Variants in BPIFC observed in about 807,000 individuals in gnomAD.
BPIFC encodes the protein BPI fold containing family C.
In BPIFC, 60 loss-of-function variants were observed where a neutral mutation model predicts 57.6. The ratio of observed to expected loss-of-function variants is 1.04; its 90% CI spans 0.85 to 1.29. The LOEUF (loss-of-function observed/expected upper bound fraction) is 1.29. BPIFC is among the 50% of genes most tolerant of loss of function. The pLI is 0.00. For missense variants in BPIFC, 581 were observed against 600.5 expected (o/e 0.97, Z 0.34); for synonymous variants, 243 against 224.5 (o/e 1.08, Z -0.74).
At chr22:32,456,456 C>A (rs1206216462) in intron 3 of BPIFC, among the ~76,000 whole-genome samples, 1 of 149,262 alleles carries the variant, frequency 6.7e-6, no homozygotes, top group Non-Finnish European at 1.5e-5. Flanking sequence ...CCCTCCCTCC[C>A]TCCCTTCCCT....
At chr22:32,459,612 G>A (rs952036022) in intron 2 of BPIFC, among the ~76,000 whole-genome samples, 14 of 151,888 alleles carry the variant, frequency 9.2e-5, no homozygotes, top group East Asian at 3.9e-4. Flanking sequence ...GCAGTGAGCC[G>A]AGATCATGCC....
At chr22:32,435,371 A>G (rs1303392833) in intron 10 of BPIFC, among the ~76,000 whole-genome samples, 1 of 152,208 alleles carries the variant, frequency 6.6e-6, no homozygotes, top group Admixed American at 6.5e-5. Context: ...AAATGCTGAC[A>G]TGATACACAA....
chr22:32,454,910 AT>A, intron 3 of BPIFC, among the ~76,000 whole-genome samples: 1 of 152,266 alleles, frequency 6.6e-6, no homozygotes, highest in East Asian at 1.9e-4. Context: ...CTGTTCACAC[AT>A]GTGAAAATGA....
chr22:32,446,041 G>A, intron 5 of BPIFC, 45 bp from the exon 6 acceptor site: 1 of 1,600,350 alleles, frequency 6.2e-7, no homozygotes, highest in South Asian at 1.1e-5. Context: ...GTCAGGCACA[G>A]AGATGGATCT....
intron 8 of BPIFC, 88 bp from the exon 9 acceptor site, chr22:32,437,939 T>G: frequency 1.4e-6 from 1 of 702,972 alleles, no homozygotes; most frequent in Non-Finnish European, 2.3e-6. Context: ...AACAATATAA[T>G]TTTAAATTCT....
At chr22:32,456,141 G>A (rs1365135541) in intron 3 of BPIFC, among the ~76,000 whole-genome samples, 3 of 152,218 alleles carry the variant, frequency 2.0e-5, no homozygotes, top group Non-Finnish European at 4.4e-5. Flanking sequence ...GAAAAGAACT[G>A]CACAACTTTA....
intron 1 of BPIFC, among the ~76,000 whole-genome samples, chr22:32,463,670 C>A (rs1213109676): frequency 3.9e-5 from 6 of 152,152 alleles, no homozygotes; most frequent in Non-Finnish European, 8.8e-5. Flanking sequence ...TTAAAGAAGT[C>A]TAAACTAGAA....
intron 13 of BPIFC, among the ~76,000 whole-genome samples, chr22:32,423,577 G>GGTGGGTGT (rs1556036075): frequency 7.0e-6 from 1 of 143,198 alleles, no homozygotes; most frequent in African/African-American, 2.7e-5. Flanking sequence ...GTAGGGTGTG[G>GGTGGGTGT]GTGTGTGTGT....
intron 16 of BPIFC, among the ~76,000 whole-genome samples, chr22:32,415,413 T>G (rs977895888): frequency 2.0e-5 from 3 of 152,184 alleles, no homozygotes; most frequent in Non-Finnish European, 4.4e-5. Flanking sequence ...GAAAAAAAGG[T>G]ATTCTGAAGT....
intron 4 of BPIFC, among the ~76,000 whole-genome samples, chr22:32,448,466 C>CA (rs1934795875): frequency 6.6e-6 from 1 of 152,170 alleles, no homozygotes; most frequent in African/African-American, 2.4e-5. Context: ...GTCATTGGGA[C>CA]AATCAGAAAC....
intron 13 of BPIFC, among the ~76,000 whole-genome samples, chr22:32,427,555 C>G (rs1420119585): frequency 6.6e-6 from 1 of 152,134 alleles, no homozygotes; most frequent in Non-Finnish European, 1.5e-5. Context: ...CTTTGTTTCC[C>G]AACAGACTGA....
At chr22:32,422,821 G>A (rs373015635) in intron 13 of BPIFC, among the ~76,000 whole-genome samples, 52 of 152,166 alleles carry the variant, frequency 3.4e-4, no homozygotes, top group African/African-American at 1.2e-3. Flanking sequence ...TATCATGGGG[G>A]GAAAACAAGT....
intron 4 of BPIFC, among the ~76,000 whole-genome samples, chr22:32,448,760 A>T (rs933102744): frequency 6.6e-6 from 1 of 152,046 alleles, no homozygotes; most frequent in Non-Finnish European, 1.5e-5. Flanking sequence ...CAACATAGTG[A>T]AACCCCGTGT....
chr22:32,423,575 T>TGG (rs906302146), intron 13 of BPIFC, among the ~76,000 whole-genome samples: 199 of 132,778 alleles, frequency 1.5e-3, no homozygotes, highest in African/African-American at 3.9e-3. Context: ...TTGTAGGGTG[T>TGG]GGGTGTGTGT....
rs375648599 is a variant in BPIFC, at chr22:32,435,710, G to A, written c.918C>T (p.Thr306=). 1.5e-5 allele frequency: 25 copies of A among 1,613,402 alleles called. No homozygotes were observed. Among genetic ancestry groups the A allele is most frequent in the East Asian group, 2.2e-5 (1 of 44,878 alleles). The change falls in exon 10 of 17, where the codon ACC becomes ACT. Residue 306 remains threonine, a synonymous_variant. Transcript: ENST00000300399. ...TAGVFNVTLS[T]EEISNHFVQN... ...CTCAGTTAACTCTCCTCACCTCTTC[G>A]GTGGAGAGAGTGACATTGAAAACCC...
chr22:32,462,191 G>GA (rs1935179848), intron 1 of BPIFC, among the ~76,000 whole-genome samples: 1 of 94,990 alleles, frequency 1.1e-5, no homozygotes. Flanking sequence ...AAAAAAAAAA[G>GA]AAAAAAGAAA....
intron 5 of BPIFC, 29 bp from the exon 6 acceptor site, chr22:32,446,025 G>A (rs373233459): frequency 6.2e-7 from 1 of 1,610,252 alleles, no homozygotes; most frequent in East Asian, 2.2e-5. Context: ...GGTTATCCAA[G>A]CCTGAGTCAG....
At chr22:32,422,234 C>T (rs550013595) in intron 13 of BPIFC, among the ~76,000 whole-genome samples, 1 of 152,294 alleles carries the variant, frequency 6.6e-6, no homozygotes, top group East Asian at 1.9e-4. Context: ...ACAGGTTACC[C>T]AGGTGCTCAT....
rs113722113 is a variant in BPIFC, at chr22:32,446,751, T to C, written c.374+461A>G. ...AGTACCTTGAATCTGATTTCCTCCTTCTACACGAGGGTGCAAAGGCCTTCC... is the reference window on the plus strand; with the variant it reads ...AGTACCTTGAATCTGATTTCCTCCTCCTACACGAGGGTGCAAAGGCCTTCC... On this transcript the variant is annotated intron_variant, in intron 5 of 16. Transcript: ENST00000300399. 9,561 of 985,356 alleles carry C rather than the reference T, an allele frequency of 9.7e-3. 68 individuals are homozygous for C. Among genetic ancestry groups the C allele is most frequent in the Non-Finnish European group, 0.011 (9,079 of 829,882 alleles). 61.0% of individuals were successfully genotyped at this position (985,356 alleles called of 1,614,324 possible).
Sources: gnomAD v4.1 joint callset for allele counts (sites outside exome capture counted in the v4.1 genomes callset) on GRCh38, gnomAD v4.1.1 for gene constraint, MANE v1.5 for transcripts, NCBI Gene and HGNC (gene_info 2026-07-23, HGNC 2026-07-21) for gene names.